ANKLE1: variants seen among roughly 807,000 people sequenced by gnomAD.
The protein encoded by ANKLE1 is structure-specific endonuclease ANKLE1.
In ANKLE1, 59 loss-of-function variants were observed where a neutral mutation model predicts 56.2. The ratio of observed to expected loss-of-function variants is 1.05; its 90% CI spans 0.85 to 1.30. The LOEUF is 1.30. Among genes scored for constraint, ANKLE1 ranks in the 50% most tolerant of loss-of-function variants. The probability of loss-of-function intolerance (pLI) is 0.00; values close to 1 mark genes in which losing one functional copy is unlikely to be tolerated. For missense variants in ANKLE1, 771 were observed against 816.1 expected, an observed-to-expected ratio of 0.94 and a Z score of 0.67; for synonymous variants, 341 against 352.9, an observed-to-expected ratio of 0.97 and a Z score of 0.38.
Position 17,285,682 on chromosome 19 carries a change from C to T in ANKLE1, c.1538C>T (p.Pro513Leu), listed in dbSNP as rs1206305336. Reference protein sequence around the residue: ...LGHHGRSRKQPHQACPKVRQI... With the variant: ...LGHHGRSRKQLHQACPKVRQI... ...TGCTGACTCCTGATTCTGCCCTAGC[C>T]CCACCAGGCCTGCCCCAAGGTGCGT... Residue 513 changes from proline to leucine, a missense_variant and splice_region_variant, in exon 8 of 9, where the codon CCC becomes CTC. Coordinates refer to ENST00000404085, the MANE Select transcript of ANKLE1 (RefSeq NM_152363.6). 2.5e-6 allele frequency: 4 copies of T among 1,613,882 alleles called. No homozygotes were observed. The highest frequency in any genetic ancestry group is 3.4e-6 in the Non-Finnish European group (4 of 1,179,874).
chr19:17,282,656 A>T lies in ANKLE1; in HGVS notation c.216A>T (p.Arg72=). The T allele has an allele frequency of 6.5e-7, 1 of 1,534,196 alleles. No homozygotes were observed. Among genetic ancestry groups the T allele is most frequent in the Non-Finnish European group, 8.7e-7 (1 of 1,146,562 alleles). The change falls in exon 3 of 9, where the codon CGA becomes CGT. Residue 72 remains arginine (R), a splice_region_variant and synonymous_variant. Transcript: ENST00000404085. ...LLRQGGDPNA[R]SVEALTPLHV... ...GACCCCTCTTGCGCTGCCGCCCCAGATCTGTCGAGGCACTGACGCCGCTGC... is the reference window on the plus strand; with the variant it reads ...GACCCCTCTTGCGCTGCCGCCCCAGTTCTGTCGAGGCACTGACGCCGCTGC...
rs764703014 is a variant in ANKLE1 at position 17,286,670 on chromosome 19, GTGTGTGTGTGTGTGTGTGTGTT to G, written c.*140_*161del. 8.6e-5 allele frequency: 104 copies of G among 1,213,920 alleles called. No homozygotes were observed. In the African/African-American group the frequency reaches 9.7e-4, roughly 11 times the overall value. 75.2% of individuals were successfully genotyped at this position (1,213,920 alleles called of 1,614,324 possible). A position where few individuals can be genotyped will look rare whatever the true frequency, so the allele number is the denominator to read the frequency against. ...GGGGTGTGTGTGTGTGTGTGTGTGT[GTGTGTGTGTGTGTGTGTGTGTT>G]TGTGTGTGTGTGTGTGTGTGTAGGG... On this transcript the variant is annotated 3_prime_UTR_variant, in exon 9 of 9. Transcript: ENST00000404085.
Position 17,285,473 on chromosome 19 carries a change from A to C in ANKLE1, c.1419A>C (p.Pro473=), listed in dbSNP as rs752562509. The change falls in exon 7 of 9, where the codon CCA becomes CCC. Residue 473 remains proline (P), a synonymous_variant. Coordinates refer to ENST00000404085, the MANE Select transcript of ANKLE1 (RefSeq NM_152363.6). ...DLPARAFSLT[P]AERLQTFIRA... is the part of the protein sequence containing the mutation. ...CAGCCCGAGCCTTCTCACTGACCCC[A>C]GCTGAGCGCCTTCAGACTTTCATCC... 4 of 1,613,860 alleles carry C rather than the reference A, an allele frequency of 2.5e-6. No homozygotes were observed. In the Admixed American group the frequency reaches 5.0e-5, roughly 20 times the overall value.
chr19:17,284,228 C>T lies in ANKLE1; in HGVS notation c.1338C>T (p.Val446=), dbSNP rs377614527. 120 of 1,613,748 alleles carry T rather than the reference C, an allele frequency of 7.4e-5. 1 individual carries two copies. In the East Asian group the frequency reaches 8.5e-4, roughly 11 times the overall value. Residue 446 remains valine, a synonymous_variant, in exon 6 of 9, where the codon GTC becomes GTT. Coordinates refer to ENST00000404085, the MANE Select transcript of ANKLE1 (RefSeq NM_152363.6). Reference sequence around the variant, plus strand: ...CTGCCAGGAGGTGGCGGGAGGGGGTCGTGAAGTCTAGCTTCACCTATCTGC... The same window carrying T: ...CTGCCAGGAGGTGGCGGGAGGGGGTTGTGAAGTCTAGCTTCACCTATCTGC... ...PDPARRWREG[V]VKSSFTYLLL...
Position 17,286,644 on chromosome 19 carries a change from AGG to A in ANKLE1, c.*95_*96del, listed in dbSNP as rs760333267. ...AGCAGCCCCCATCTCTGGTTTCAGA[AGG>A]GGTGTGTGTGTGTGTGTGTGTGTGT... is the stretch of plus-strand genomic sequence containing the variant. On this transcript the variant is annotated 3_prime_UTR_variant, in exon 9 of 9. Coordinates refer to ENST00000404085, the MANE Select transcript of ANKLE1 (RefSeq NM_152363.6). The A allele has an allele frequency of 1.2e-4, 176 of 1,483,922 alleles. No individual in the cohort carries two copies. In the East Asian group the frequency reaches 4.7e-3, roughly 40 times the overall value. The allele number at this position is 1,483,922 out of a possible 1,614,324, so 91.9% of individuals were successfully genotyped here. A position where few individuals can be genotyped will look rare whatever the true frequency, so the allele number is the denominator to read the frequency against.
chr19:17,284,373 GCTT>G (rs1026339608), intron 6 of ANKLE1, 107 bp downstream of exon 6: 37 of 952,422 alleles, frequency 3.9e-5, no homozygotes, highest in East Asian at 2.3e-4. Flanking sequence ...ATCATCAGCT[GCTT>G]CTTCTTCTTT....
intron 6 of ANKLE1, 54 bp from the exon 7 acceptor site, chr19:17,285,371 GACTGCC>G (rs2074019547): frequency 1.9e-6 from 3 of 1,599,850 alleles, no homozygotes; most frequent in Non-Finnish European, 2.6e-6. Flanking sequence ...TGACTTTAAG[GACTGCC>G]TCTGGGGACC....
Position 17,283,707 on chromosome 19 carries a change from T to C in ANKLE1, c.943T>C (p.Ser315Pro). 1 of 1,613,590 alleles carries C rather than the reference T, an allele frequency of 6.2e-7. No individual in the cohort carries two copies. Among genetic ancestry groups the C allele is most frequent in the East Asian group, 2.2e-5 (1 of 44,870 alleles). Residue 315 changes from serine (S) to proline (P), a missense_variant, in exon 5 of 9, where the codon TCT becomes CCT. Ser to Pro is a moderately conservative substitution (Grantham distance 74). Transcript: ENST00000404085. Reference protein sequence around the residue: ...SPPRTPTPGASDCHCLWEHQT... With the variant: ...SPPRTPTPGAPDCHCLWEHQT... Reference sequence around the variant, plus strand: ...CCCACGGACACCAACCCCTGGAGCTTCTGACTGCCACTGCCTGTGGGAGCA... The same window carrying C: ...CCCACGGACACCAACCCCTGGAGCTCCTGACTGCCACTGCCTGTGGGAGCA...
chr19:17,283,333 C>T lies in ANKLE1; in HGVS notation c.569C>T (p.Pro190Leu), dbSNP rs2073995793. Residue 190 changes from proline (P) to leucine (L), a missense_variant, in exon 5 of 9, where the codon CCC becomes CTC. Coordinates refer to ENST00000404085, the MANE Select transcript of ANKLE1 (RefSeq NM_152363.6). ...ATTGGCTTGGAGGCTGACCCAGGAC[C>T]CCCCAGCCTCCCTGTTCCCCTTGAA... The part of the protein sequence containing the change: ...RDIGLEADPG[P>L]PSLPVPLETV... The T allele has an allele frequency of 6.2e-7, 1 of 1,613,506 alleles. No homozygotes were observed. Among genetic ancestry groups the T allele is most frequent in the South Asian group, 1.1e-5 (1 of 91,076 alleles).
rs200796739 is a variant in ANKLE1 at position 17,283,427 on chromosome 19, C to T, written c.663C>T (p.Phe221=). The T allele has an allele frequency of 8.1e-6, 13 of 1,613,666 alleles. No homozygotes were observed. In the Admixed American group the frequency reaches 2.0e-4, roughly 25 times the overall value. Residue 221 remains phenylalanine (F), a synonymous_variant, in exon 5 of 9, where the codon TTC becomes TTT. Transcript: ENST00000404085. ...GHWDYSSDAS[F]VTAVEVSGAE... ...GGGATTACAGCTCAGACGCCTCTTT[C>T]GTCACAGCGGTTGAGGTCTCTGGAG...
rs114934155 is a variant in ANKLE1 at position 17,283,428 on chromosome 19, G to A, written c.664G>A (p.Val222Ile). ...HWDYSSDASF[V>I]TAVEVSGAED... ...GGATTACAGCTCAGACGCCTCTTTC[G>A]TCACAGCGGTTGAGGTCTCTGGAGC... is the stretch of plus-strand genomic sequence containing the variant. Residue 222 changes from valine (V) to isoleucine (I), a missense_variant, in exon 5 of 9, where the codon GTC becomes ATC. By Grantham distance (29) the Val-to-Ile change is conservative. Transcript: ENST00000404085. 3.1e-4 allele frequency: 499 copies of A among 1,613,556 alleles called. 2 individuals carry two copies. The African/African-American group carries it at 6.0e-3, about 19-fold the overall frequency.
chr19:17,281,968 G>C lies in ANKLE1; in HGVS notation c.48G>C (p.Arg16=). ...CTCGCAGGTTGCGGGATGCGCTGCG[G>C]GAGGAGGAGCCGTGGTGAGGGCGGG... ...RLARRLRDAL[R]EEEPWAVEEL... is the part of the protein sequence containing the mutation. The change falls in exon 1 of 9, where the codon CGG becomes CGC. Residue 16 remains arginine (R), a synonymous_variant. Coordinates refer to ENST00000404085, the MANE Select transcript of ANKLE1 (RefSeq NM_152363.6). 1 of 1,534,338 alleles carries C rather than the reference G, an allele frequency of 6.5e-7. No homozygotes were observed. Among genetic ancestry groups the C allele is most frequent in the Non-Finnish European group, 8.7e-7 (1 of 1,145,400 alleles).
In ANKLE1 at chr19:17,283,800, G is replaced by A; in HGVS notation, c.1036G>A (p.Gly346Ser). Residue 346 changes from glycine (G) to serine (S), a missense_variant, in exon 5 of 9, where the codon GGC becomes AGC. Coordinates refer to ENST00000404085, the MANE Select transcript of ANKLE1 (RefSeq NM_152363.6). Reference sequence around the variant, plus strand: ...AGAGGATGAGGCAAGCTCTACAGGTGGCAGGGAACCTGTCGGCCCTTGCCG... The same window carrying A: ...AGAGGATGAGGCAAGCTCTACAGGTAGCAGGGAACCTGTCGGCCCTTGCCG... ...LTEDEASSTGGREPVGPCRHL... is the reference protein window; with the variant it reads ...LTEDEASSTGSREPVGPCRHL... 1 of 1,613,528 alleles carries A rather than the reference G, an allele frequency of 6.2e-7. No individual in the cohort carries two copies.
Position 17,282,881 on chromosome 19 carries a change from G to T in ANKLE1, c.339G>T (p.Leu113=). ...ALRDQDGLRP[L]DLALQQGHLE... ...CCCTGTAGGACGGACTCCGGCCGCTGGACCTGGCCCTGCAGCAGGGACACC... is the reference window on the plus strand; with the variant it reads ...CCCTGTAGGACGGACTCCGGCCGCTTGACCTGGCCCTGCAGCAGGGACACC... Residue 113 remains leucine, a synonymous_variant, in exon 4 of 9, where the codon CTG becomes CTT. Coordinates refer to ENST00000404085, the MANE Select transcript of ANKLE1 (RefSeq NM_152363.6). The T allele has an allele frequency of 6.3e-7, 1 of 1,582,052 alleles. No homozygotes were observed. Among genetic ancestry groups the T allele is most frequent in the East Asian group, 2.3e-5 (1 of 43,790 alleles).
rs375871327 is a variant in ANKLE1 at position 17,284,054 on chromosome 19, G to A, written c.1199-35G>A. ...CAGCCCCACTTTCCTCCCCATCTCA[G>A]AATCATCCCTTCCTCCATCTCCCTT... On this transcript the variant is annotated intron_variant, in intron 5 of 8. Coordinates refer to ENST00000404085, the MANE Select transcript of ANKLE1 (RefSeq NM_152363.6). 7.8e-5 allele frequency: 126 copies of A among 1,609,524 alleles called. 1 individual carries two copies. The highest frequency in any genetic ancestry group is 6.6e-4 in the Middle Eastern group (4 of 6,070).
intron 6 of ANKLE1, among the ~76,000 whole-genome samples, chr19:17,284,837 C>T (rs1239939412): frequency 6.6e-6 from 1 of 151,546 alleles, no homozygotes; most frequent in Non-Finnish European, 1.5e-5. Flanking sequence ...AGGCATGTGC[C>T]ACCATGCCTG....
rs1381883891 is a variant in ANKLE1, at chr19:17,284,259, G to A, written c.1369G>A (p.Asp457Asn). ...VKSSFTYLLL[D>N]PRETQDLPAR... ...GTCTAGCTTCACCTATCTGCTGCTG[G>A]ACCCCAGGTACTCAGGGCAGGAAAG... The change falls in exon 6 of 9, where the codon GAC becomes AAC. Residue 457 changes from aspartate to asparagine, a missense_variant. Transcript: ENST00000404085. The A allele has an allele frequency of 6.2e-7, 1 of 1,613,590 alleles. No individual in the cohort carries two copies. Among genetic ancestry groups the A allele is most frequent in the Admixed American group, 1.7e-5 (1 of 60,012 alleles).
Position 17,286,923 on chromosome 19 carries a change from A to C in ANKLE1, c.*371A>C. ...ATAGGAGCTGGGTAAAATGAGGCTG[A>C]AACCTACTGGGCTGCATTCCCAGAT... is the stretch of plus-strand genomic sequence containing the variant. On this transcript the variant is annotated 3_prime_UTR_variant, in exon 9 of 9. Coordinates refer to ENST00000404085, the MANE Select transcript of ANKLE1 (RefSeq NM_152363.6). 1 of 603,216 alleles carries C rather than the reference A, an allele frequency of 1.7e-6. No individual in the cohort carries two copies. The highest frequency in any genetic ancestry group is 2.2e-6 in the Non-Finnish European group (1 of 457,402). The allele number at this position is 603,216 out of a possible 1,614,324, so 37.4% of individuals were successfully genotyped here.
In ANKLE1 at chr19:17,282,669, C is replaced by T. The variant is rs1041096783; in HGVS notation, c.229C>T (p.Leu77=). The part of the protein sequence containing the change: ...GDPNARSVEA[L]TPLHVAAAWG... ...CTGCCGCCCCAGATCTGTCGAGGCA[C>T]TGACGCCGCTGCATGTGGCCGCCGC... Residue 77 remains leucine, a synonymous_variant, in exon 3 of 9, where the codon CTG becomes TTG. Transcript: ENST00000404085. 1.3e-6 allele frequency: 2 copies of T among 1,534,560 alleles called. No individual in the cohort carries two copies. The highest frequency in any genetic ancestry group is 1.2e-5 in the South Asian group (1 of 83,976).
Sources: gnomAD v4.1 joint callset for allele counts (sites outside exome capture counted in the v4.1 genomes callset) on GRCh38, gnomAD v4.1.1 for gene constraint, MANE v1.5 for transcripts, NCBI Gene and HGNC (gene_info 2026-07-23, HGNC 2026-07-21) for gene names.